Variants in CDK14 observed in about 807,000 individuals in gnomAD.
The protein encoded by CDK14 is cyclin dependent kinase 14.
A neutral mutation model predicts 60.7 loss-of-function variants in CDK14; 34 were observed. That is an observed-to-expected ratio of 0.56 (90% CI 0.43 to 0.75). CDK14 has a LOEUF of 0.75. Ranked by LOEUF, CDK14 falls within the 30% of genes least tolerant of loss-of-function variation. The probability of loss-of-function intolerance (pLI) is 0.00; values close to 1 mark genes in which losing one functional copy is unlikely to be tolerated. For synonymous variants in CDK14, 197 were observed against 203.7 expected (o/e 0.97, Z 0.28); for missense variants, 482 against 564.1 (o/e 0.85, Z 1.47).
At chr7:90,740,133 T>TA (rs5885742) in intron 3 of CDK14, among the ~76,000 whole-genome samples, 112 of 148,234 alleles carry the variant, frequency 7.6e-4, no homozygotes, top group Middle Eastern at 3.4e-3. Flanking sequence ...GTTAAATTCC[T>TA]AAAAAAAAAA....
chr7:91,056,768 A>G (rs979771204), intron 11 of CDK14, among the ~76,000 whole-genome samples: 6 of 152,200 alleles, frequency 3.9e-5, no homozygotes, highest in African/African-American at 9.7e-5. Context: ...ATAGTATTCC[A>G]TGCTATATAT....
intron 2 of CDK14, among the ~76,000 whole-genome samples, chr7:90,617,699 T>G (rs771175688): frequency 5.9e-5 from 9 of 152,208 alleles, no homozygotes; most frequent in Non-Finnish European, 1.3e-4. Flanking sequence ...AGTTTCAAGG[T>G]TACGTTAAAA....
At position 91,112,657 on chromosome 7, in the gene CDK14, C is replaced by G. The variant is rs1368723248; in HGVS notation, c.1270C>G (p.Pro424Ala). The change falls in exon 13 of 15, where the codon CCA becomes GCA. Residue 424 changes from proline to alanine, a missense_variant. Physicochemically the swap from Pro to Ala is conservative, Grantham distance 27 (BLOSUM62 -1). Transcript: ENST00000380050. ...LSHEYFSDLP[P>A]RLWELTDMSS... ...CCACGAGTATTTTAGTGACCTGCCG[C>G]CACGGCTATGGGAACTCACCGACAG... The G allele has an allele frequency of 1.2e-6, 2 of 1,613,680 alleles. No homozygotes were observed. Among genetic ancestry groups the G allele is most frequent in the Non-Finnish European group, 8.5e-7 (1 of 1,179,826 alleles).
intron 2 of CDK14, among the ~76,000 whole-genome samples, chr7:90,683,896 ACGTGTGTGTG>A (rs1801374776): frequency 9.1e-6 from 1 of 110,382 alleles, no homozygotes; most frequent in African/African-American, 3.6e-5. Context: ...TAGAAAATGT[ACGTGTGTGTG>A]TGTGTGTGTG....
At chr7:90,778,853 T>C (rs1209479620) in intron 4 of CDK14, among the ~76,000 whole-genome samples, 1 of 92,154 alleles carries the variant, frequency 1.1e-5, no homozygotes, top group East Asian at 6.8e-4. Flanking sequence ...CCGACCTTCC[T>C]TCCTTCCTTC....
intron 2 of CDK14, among the ~76,000 whole-genome samples, chr7:90,642,359 A>G (rs1010704785): frequency 6.6e-6 from 1 of 152,226 alleles, no homozygotes; most frequent in African/African-American, 2.4e-5. Flanking sequence ...ATAATATTTC[A>G]GTAAGTTAAT....
At chr7:90,960,914 A>G (rs1199144195) in intron 9 of CDK14, among the ~76,000 whole-genome samples, 1 of 152,136 alleles carries the variant, frequency 6.6e-6, no homozygotes, top group Non-Finnish European at 1.5e-5. Flanking sequence ...AGTAACAGCA[A>G]TAGGTACTTC....
At chr7:90,731,567 G>A (rs1802867303) in intron 3 of CDK14, among the ~76,000 whole-genome samples, 2 of 152,136 alleles carry the variant, frequency 1.3e-5, no homozygotes, top group East Asian at 1.9e-4. Flanking sequence ...TCCCTTGTAA[G>A]TTGGATTCCT....
intron 10 of CDK14, among the ~76,000 whole-genome samples, chr7:91,001,595 G>A (rs916476757): frequency 2.0e-5 from 3 of 151,968 alleles, no homozygotes; most frequent in Admixed American, 6.6e-5. Flanking sequence ...TTTCAAATAT[G>A]AATATAAAGA....
At chr7:90,649,552 C>A (rs960495093) in intron 2 of CDK14, among the ~76,000 whole-genome samples, 2 of 150,176 alleles carry the variant, frequency 1.3e-5, no homozygotes, top group African/African-American at 4.9e-5. Context: ...TGTTGGTTTG[C>A]TGCATCCATT....
At chr7:90,761,581 G>A (rs1804312358) in intron 4 of CDK14, among the ~76,000 whole-genome samples, 1 of 152,054 alleles carries the variant, frequency 6.6e-6, no homozygotes. Context: ...TCTCAACTAG[G>A]GATAATTTTG....
chr7:90,684,061 C>T (rs1253231526), intron 2 of CDK14, among the ~76,000 whole-genome samples: 3 of 152,100 alleles, frequency 2.0e-5, no homozygotes, highest in Non-Finnish European at 4.4e-5. Context: ...TTTTTTATTT[C>T]TCCCATGGTA....
chr7:90,687,451 G>A (rs976996372), intron 2 of CDK14, among the ~76,000 whole-genome samples: 4 of 152,228 alleles, frequency 2.6e-5, no homozygotes, highest in African/African-American at 9.6e-5. Context: ...TACGAAGGGT[G>A]AGTAGGGTTT....
intron 8 of CDK14, among the ~76,000 whole-genome samples, chr7:90,953,116 A>G (rs530287358): frequency 2.9e-4 from 44 of 151,982 alleles, no homozygotes; most frequent in African/African-American, 1.0e-3. Context: ...TTCTTATCCT[A>G]TTAACCAAAC....
intron 9 of CDK14, among the ~76,000 whole-genome samples, chr7:90,970,438 G>A (rs1197584535): frequency 3.9e-5 from 6 of 152,148 alleles, no homozygotes; most frequent in Non-Finnish European, 7.4e-5. Context: ...TGTCACCTGG[G>A]AAGAAATCAA....
intron 11 of CDK14, among the ~76,000 whole-genome samples, chr7:91,076,736 T>G (rs1484777292): frequency 6.6e-6 from 1 of 152,080 alleles, no homozygotes; most frequent in African/African-American, 2.4e-5. Context: ...GGGGGAACAT[T>G]TTTGCAATCT....
chr7:91,089,004 A>G (rs1459559683), intron 12 of CDK14, among the ~76,000 whole-genome samples: 1 of 152,178 alleles, frequency 6.6e-6, no homozygotes, highest in Non-Finnish European at 1.5e-5. Context: ...TGAAGTAAAG[A>G]TGAAGGGTAG....
chr7:91,174,852 T>A (rs1068296), intron 14 of CDK14, among the ~76,000 whole-genome samples: 1 of 78,504 alleles, frequency 1.3e-5, no homozygotes, highest in African/African-American at 6.4e-5. Flanking sequence ...GAAAGTGATG[T>A]GGAGAATGGA....
intron 11 of CDK14, 69 bp from the exon 12 acceptor site, chr7:91,079,363 T>A (rs1798415765): frequency 9.1e-7 from 1 of 1,094,094 alleles, no homozygotes; most frequent in African/African-American, 1.6e-5. Flanking sequence ...AAGTTGAAGT[T>A]TTTTCAACAT....
Sources: allele counts gnomAD v4.1 joint callset (sites outside exome capture counted in the v4.1 genomes callset), GRCh38; gene constraint gnomAD v4.1.1; transcripts MANE v1.5; gene names NCBI Gene and HGNC (gene_info 2026-07-23, HGNC 2026-07-21).